Variants in UBXN8 observed in about 807,000 individuals in gnomAD.
UBXN8 encodes UBX domain-containing protein 8.
A neutral mutation model predicts 32.1 loss-of-function variants in UBXN8; 27 were observed. The ratio of observed to expected loss-of-function variants is 0.84; its 90% CI spans 0.62 to 1.16. UBXN8 has a LOEUF of 1.16. Among genes scored for constraint, UBXN8 ranks in the 50% most tolerant of loss-of-function variants. UBXN8 has a pLI of 0.00. For missense variants in UBXN8, 306 were observed against 311.4 expected, an observed-to-expected ratio of 0.98 and a Z score of 0.13; for synonymous variants, 109 against 111.8, an observed-to-expected ratio of 0.98 and a Z score of 0.16.
Position 30,766,440 on chromosome 8 carries a change from G to C in UBXN8, c.*46G>C. On this transcript the variant is annotated 3_prime_UTR_variant, in exon 8 of 8. Transcript: ENST00000265616. ...GTTTGCATGAAGTCAGTTATGCTATGACCTTCTGGCACAATAAAGGCTTCA... is the reference window on the plus strand; with the variant it reads ...GTTTGCATGAAGTCAGTTATGCTATCACCTTCTGGCACAATAAAGGCTTCA... 1 of 1,495,780 alleles carries C rather than the reference G, an allele frequency of 6.7e-7. No individual in the cohort carries two copies. Among genetic ancestry groups the C allele is most frequent in the East Asian group, 2.4e-5 (1 of 41,016 alleles). 92.7% of individuals were successfully genotyped at this position (1,495,780 alleles called of 1,614,324 possible). A position where few individuals can be genotyped will look rare whatever the true frequency, so the allele number is the denominator to read the frequency against.
chr8:30,746,570 T>C (rs1381931495), intron 1 of UBXN8, among the ~76,000 whole-genome samples: 1 of 135,320 alleles, frequency 7.4e-6, no homozygotes, highest in East Asian at 2.1e-4. Context: ...TCACCCAGGC[T>C]GGAGTGCAGT....
At chr8:30,739,337 G>C (rs1785380534), upstream of UBXN8, among the ~76,000 whole-genome samples, 1 of 147,800 alleles carries the variant, frequency 6.8e-6, no homozygotes, top group Non-Finnish European at 1.5e-5. Flanking sequence ...GATGTCAGGA[G>C]ATCAAGACCA....
At chr8:30,758,900 T>TTTTTTTTTTTTTTTTTTTTTTTTTTTTG (rs1554578741) in intron 5 of UBXN8, among the ~76,000 whole-genome samples, 1 of 121,998 alleles carries the variant, frequency 8.2e-6, no homozygotes, top group Admixed American at 9.1e-5. Flanking sequence ...TTTTGTTTTT[T>TTTTTTTTTTTTTTTTTTTTTTTTTTTTG]TTTTTTTTTT....
chr8:30,747,230 T>G (rs1318852118), intron 1 of UBXN8, among the ~76,000 whole-genome samples: 3 of 141,130 alleles, frequency 2.1e-5, no homozygotes, highest in Admixed American at 1.4e-4. Context: ...TTCTTTCATA[T>G]TCTCATGTGA....
chr8:30,764,169 A>T (rs1262176021), intron 7 of UBXN8, among the ~76,000 whole-genome samples: 1 of 152,202 alleles, frequency 6.6e-6, no homozygotes, highest in Admixed American at 6.5e-5. Context: ...CATTAAAAAT[A>T]TATGTAAATA....
In UBXN8 at chr8:30,751,753, ATG is replaced by A. The variant is rs1257707616; in HGVS notation, c.211+239_211+240del. On this transcript the variant is annotated intron_variant, in intron 2 of 7. Transcript: ENST00000265616. ...GAGAAATTGTACATTTTTCTTATAT[ATG>A]TGTTTTAAAGCTATATCATTTCTAA... Among the ~76,000 whole-genome samples, 6 of 152,094 alleles carry A rather than the reference ATG, an allele frequency of 3.9e-5. No homozygotes were observed. In the East Asian group the frequency reaches 1.2e-3, roughly 29 times the overall value.
Position 30,766,318 on chromosome 8 carries a change from G to T in UBXN8, c.737G>T (p.Gly246Val). ...CCCAGACGGCCTCTGGCAGTGGAGG[G>T]AGGCCAGTCGCTGGAGGACATAGGA... Reference protein sequence around the residue: ...SFPRRPLAVEGGQSLEDIGIT... With the variant: ...SFPRRPLAVEVGQSLEDIGIT... The change falls in exon 8 of 8, where the codon GGA (glycine) becomes GTA (valine). Residue 246 changes from glycine (G) to valine (V), a missense_variant. Transcript: ENST00000265616. The T allele has an allele frequency of 6.2e-7, 1 of 1,613,864 alleles. No individual in the cohort carries two copies.
intron 3 of UBXN8, among the ~76,000 whole-genome samples, chr8:30,753,771 C>CTT (rs748807226): frequency 0.069 from 8,496 of 122,554 alleles, 1,267 homozygotes; most frequent in African/African-American, 0.24. Flanking sequence ...AGATATACCA[C>CTT]TTTTTTTTTT....
rs537357700 is a variant in UBXN8, at chr8:30,757,000, T to C, written c.528+113T>C. 3.3e-5 allele frequency: 48 copies of C among 1,451,670 alleles called. No individual in the cohort carries two copies. The African/African-American group carries it at 5.9e-4, about 18-fold the overall frequency. 89.9% of individuals were successfully genotyped at this position (1,451,670 alleles called of 1,614,324 possible). A position where few individuals can be genotyped will look rare whatever the true frequency, so the allele number is the denominator to read the frequency against. On this transcript the variant is annotated intron_variant, in intron 5 of 7. Coordinates refer to ENST00000265616, the MANE Select transcript of UBXN8 (RefSeq NM_005671.4). ...CAGGACTGGCCTTTCATCCAGATGGTGTCTTCCCACTGCCTTACAAAGCAA... is the reference window on the plus strand; with the variant it reads ...CAGGACTGGCCTTTCATCCAGATGGCGTCTTCCCACTGCCTTACAAAGCAA...
chr8:30,754,545 C>T, intron 3 of UBXN8, 120 bp from the exon 4 acceptor site: 2 of 1,333,066 alleles, frequency 1.5e-6, no homozygotes, highest in African/African-American at 1.5e-5. Context: ...AACAGGGTGG[C>T]AGTGGCTCTG....
rs1232955934 is a variant in UBXN8 at position 30,754,667 on chromosome 8, C to T, written c.285C>T (p.Ala95=). 55 of 1,545,380 alleles carry T rather than the reference C, an allele frequency of 3.6e-5. No individual in the cohort carries two copies. The highest frequency in any genetic ancestry group is 4.1e-5 in the Non-Finnish European group (47 of 1,158,046). Residue 95 remains alanine (A), a splice_region_variant and synonymous_variant, in exon 4 of 8, where the codon GCC becomes GCT. Coordinates refer to ENST00000265616, the MANE Select transcript of UBXN8 (RefSeq NM_005671.4). ...ACCTAATTTGTTGTTTTCAACAGGC[C>T]AGCAGATACATAGAGAATGTTTTAA... ...KKQQEAQGEK[A]SRYIENVLKP...
upstream of UBXN8, among the ~76,000 whole-genome samples, chr8:30,739,210 T>C (rs190548799): frequency 5.3e-5 from 8 of 150,664 alleles, no homozygotes; most frequent in East Asian, 1.6e-3. Flanking sequence ...TTGACTGTAG[T>C]GTTCAGAGAA....
chr8:30,750,161 G>A (rs1805481649), intron 1 of UBXN8, among the ~76,000 whole-genome samples: 1 of 151,986 alleles, frequency 6.6e-6, no homozygotes, highest in South Asian at 2.1e-4. Context: ...GAGCATTTAA[G>A]CACCTGTGGA....
upstream of UBXN8, among the ~76,000 whole-genome samples, chr8:30,740,610 AGCTACT>A: frequency 6.6e-6 from 1 of 151,158 alleles, no homozygotes; most frequent in African/African-American, 2.4e-5. Flanking sequence ...TTGTAGTCCC[AGCTACT>A]CAGGAGGATG....
chr8:30,749,411 AAAT>A (rs1554577890), intron 1 of UBXN8, among the ~76,000 whole-genome samples: 4 of 83,466 alleles, frequency 4.8e-5, no homozygotes, highest in Non-Finnish European at 9.4e-5. Context: ...AAAATAAAAT[AAAT>A]AAATAAATAA....
At chr8:30,746,434 A>T (rs963656352) in intron 1 of UBXN8, among the ~76,000 whole-genome samples, 2 of 151,858 alleles carry the variant, frequency 1.3e-5, no homozygotes, top group African/African-American at 4.8e-5. Flanking sequence ...ATATTCAGAC[A>T]TATATTGAAA....
upstream of UBXN8, among the ~76,000 whole-genome samples, chr8:30,740,112 G>A (rs1210178769): frequency 2.0e-5 from 3 of 151,914 alleles, no homozygotes; most frequent in Non-Finnish European, 2.9e-5. Flanking sequence ...TCACCATGTT[G>A]TCCAGGCTGG....
At chr8:30,741,201 C>A (rs1288906839), upstream of UBXN8, among the ~76,000 whole-genome samples, 2 of 152,086 alleles carry the variant, frequency 1.3e-5, no homozygotes, top group African/African-American at 4.8e-5. Context: ...GCCTGAGCAA[C>A]ATGGTGAAAC....
chr8:30,731,315 G>A (rs1204073256), upstream of UBXN8, among the ~76,000 whole-genome samples: 3 of 152,178 alleles, frequency 2.0e-5, no homozygotes, highest in Non-Finnish European at 2.9e-5. Context: ...TGAACATTCG[G>A]TAGTAACCGG....
Sources: gnomAD v4.1 joint callset for allele counts (sites outside exome capture counted in the v4.1 genomes callset) on GRCh38, gnomAD v4.1.1 for gene constraint, MANE v1.5 for transcripts, NCBI Gene and HGNC (gene_info 2026-07-23, HGNC 2026-07-21) for gene names.